ASTN2: variants seen among roughly 807,000 people sequenced by gnomAD.
ASTN2 encodes the protein astrotactin-2.
In ASTN2, 54 loss-of-function variants were observed where a neutral mutation model predicts 139.8. That is an observed-to-expected ratio of 0.39 (90% CI 0.31 to 0.48). The LOEUF (loss-of-function observed/expected upper bound fraction) is 0.48. Ranked by LOEUF, ASTN2 falls within the 20% of genes least tolerant of loss-of-function variation. The pLI, the probability that ASTN2 is intolerant of heterozygous loss-of-function variation, is 0.95. For synonymous variants in ASTN2, 756 were observed against 719.5 expected, an observed-to-expected ratio of 1.05 and a Z score of -0.81; for missense variants, 1,565 against 1,725.1, an observed-to-expected ratio of 0.91 and a Z score of 1.64.
chr9:116,424,263 C>G lies in ASTN2; in HGVS notation c.*1588G>C, dbSNP rs781472073. The stretch of plus-strand genomic sequence containing the variant: ...AGATTCCAGTGTTGGTATGTCACCC[C>G]CTAAGCTATCATCACCTCCTTCATG... On this transcript the variant is annotated 3_prime_UTR_variant, in exon 23 of 23. Coordinates refer to ENST00000313400, the MANE Select transcript of ASTN2 (RefSeq NM_001365068.1). Among the ~76,000 whole-genome samples, 3 of 152,144 alleles carry G rather than the reference C, an allele frequency of 2.0e-5. No individual in the cohort carries two copies. Among genetic ancestry groups the G allele is most frequent in the Non-Finnish European group, 4.4e-5 (3 of 68,036 alleles).
At chr9:117,097,117 G>T (rs569530836) in intron 4 of ASTN2, among the ~76,000 whole-genome samples, 27 of 152,308 alleles carry the variant, frequency 1.8e-4, no homozygotes, top group African/African-American at 6.3e-4. Flanking sequence ...CAGCCAGGAG[G>T]CTCAGTGACC....
intron 1 of ASTN2, among the ~76,000 whole-genome samples, chr9:117,407,398 G>A (rs986648924): frequency 6.6e-6 from 1 of 152,198 alleles, no homozygotes; most frequent in African/African-American, 2.4e-5. Context: ...TAAGACTAGA[G>A]GTAGACAGAT....
At chr9:116,426,167 A>G in intron 22 of ASTN2, 79 bp from the exon 23 acceptor site, 2 of 1,537,964 alleles carry the variant, frequency 1.3e-6, no homozygotes, top group Non-Finnish European at 1.8e-6. Flanking sequence ...AATGTCAACA[A>G]ACAAATGGTA....
chr9:116,963,100 G>A (rs996592017), intron 10 of ASTN2, among the ~76,000 whole-genome samples: 4 of 152,200 alleles, frequency 2.6e-5, no homozygotes, highest in African/African-American at 9.7e-5. Flanking sequence ...TGACTCCAAT[G>A]CAATATAAGG....
chr9:117,340,285 T>C (rs1829024192), intron 1 of ASTN2, among the ~76,000 whole-genome samples: 2 of 130,698 alleles, frequency 1.5e-5, no homozygotes, highest in Admixed American at 9.7e-5. Flanking sequence ...TGAGCCAAGA[T>C]TGCGCCACCG....
intron 10 of ASTN2, among the ~76,000 whole-genome samples, chr9:116,932,184 A>G (rs994157299): frequency 1.3e-5 from 2 of 152,162 alleles, no homozygotes; most frequent in Admixed American, 1.3e-4. Flanking sequence ...ATTACTATGG[A>G]GCACCTCTTA....
intron 10 of ASTN2, among the ~76,000 whole-genome samples, chr9:116,924,252 T>C (rs11793133): frequency 1.4e-5 from 2 of 141,298 alleles, no homozygotes; most frequent in Admixed American, 6.9e-5. Flanking sequence ...CTACTAAAAA[T>C]ATAAAAAAAA....
chr9:116,504,547 A>G (rs1331959659), intron 19 of ASTN2, among the ~76,000 whole-genome samples: 1 of 152,150 alleles, frequency 6.6e-6, no homozygotes, highest in Non-Finnish European at 1.5e-5. Context: ...CATATTGCTA[A>G]CTACTGCTTG....
chr9:116,648,290 G>A (rs1034255118), intron 17 of ASTN2, among the ~76,000 whole-genome samples: 1 of 151,954 alleles, frequency 6.6e-6, no homozygotes, highest in Non-Finnish European at 1.5e-5. Flanking sequence ...GTGAGTCACC[G>A]CACTTGGCCT....
At chr9:116,555,853 T>G (rs1852588499) in intron 19 of ASTN2, among the ~76,000 whole-genome samples, 3 of 152,164 alleles carry the variant, frequency 2.0e-5, no homozygotes, top group African/African-American at 7.2e-5. Flanking sequence ...GAGGGAGAGA[T>G]AATTATTCAG....
At chr9:116,979,765 G>A (rs1305934689) in intron 7 of ASTN2, among the ~76,000 whole-genome samples, 2 of 152,062 alleles carry the variant, frequency 1.3e-5, no homozygotes, top group African/African-American at 4.8e-5. Context: ...CAACAAGGAG[G>A]ATCCCTCTTG....
At chr9:117,299,163 C>G (rs575616203) in intron 1 of ASTN2, among the ~76,000 whole-genome samples, 45 of 152,102 alleles carry the variant, frequency 3.0e-4, no homozygotes, top group Non-Finnish European at 5.3e-4. Context: ...TACACTGGAC[C>G]ACGAAGAATG....
chr9:116,453,828 C>A (rs2118933142), intron 20 of ASTN2, among the ~76,000 whole-genome samples: 1 of 152,224 alleles, frequency 6.6e-6, no homozygotes, highest in Admixed American at 6.5e-5. Context: ...CATGTATAAG[C>A]AAATCATGCC....
At position 117,120,010 on chromosome 9, in the gene ASTN2, GTGTGTGTGTATATATA is replaced by G. The variant is rs1252670838; in HGVS notation, c.1168+21300_1168+21315del. On this transcript the variant is annotated intron_variant, in intron 4 of 22. Coordinates refer to ENST00000313400, the MANE Select transcript of ASTN2 (RefSeq NM_001365068.1). ...TTTGTATGTGTGTGTGTGTGTGTGT[GTGTGTGTGTATATATA>G]TATATATATATATATATATATATAC... 1.9e-3 allele frequency among the ~76,000 whole-genome samples: 65 copies of G among 33,746 alleles called. No homozygotes were observed. The South Asian group carries it at 0.029, about 15-fold the overall frequency. The allele number at this position is 33,746 out of a possible 152,430, so 22.1% of individuals were successfully genotyped here.
At chr9:116,814,899 G>T (rs1831268813) in intron 12 of ASTN2, among the ~76,000 whole-genome samples, 1 of 152,176 alleles carries the variant, frequency 6.6e-6, no homozygotes, top group Non-Finnish European at 1.5e-5. Context: ...TCAATTGTCG[G>T]TGAGCATTTT....
chr9:116,439,004 C>T (rs923454701), intron 22 of ASTN2, among the ~76,000 whole-genome samples: 1 of 152,056 alleles, frequency 6.6e-6, no homozygotes, highest in Non-Finnish European at 1.5e-5. Flanking sequence ...ATTTCTCTAA[C>T]TAATCTCCCT....
intron 5 of ASTN2, among the ~76,000 whole-genome samples, chr9:117,094,307 G>A (rs963956610): frequency 2.6e-5 from 4 of 151,752 alleles, no homozygotes; most frequent in Non-Finnish European, 5.9e-5. Flanking sequence ...GAGTTGCTGG[G>A]TTAAATCATT....
Position 116,839,887 on chromosome 9 carries a change from T to TATTATTATTA in ASTN2, c.2041-19105_2041-19104insTAATAATAAT, listed in dbSNP as rs1564297225. On this transcript the variant is annotated intron_variant, in intron 11 of 22. Coordinates refer to ENST00000313400, the MANE Select transcript of ASTN2 (RefSeq NM_001365068.1). ...TATTATTATTATTATTATTATTTTT[T>TATTATTATTA]TTTTTTTAATTGATCATTCTTGGGT... Among the ~76,000 whole-genome samples, 216 of 91,436 alleles carry TATTATTATTA rather than the reference T, an allele frequency of 2.4e-3. 4 individuals carry two copies. The highest frequency in any genetic ancestry group is 0.011 in the African/African-American group (201 of 18,546). The allele number at this position is 91,436 out of a possible 152,430, so 60.0% of individuals were successfully genotyped here. A position where few individuals can be genotyped will look rare whatever the true frequency, so the allele number is the denominator to read the frequency against.
At chr9:117,286,637 C>T (rs972013027) in intron 2 of ASTN2, among the ~76,000 whole-genome samples, 1 of 152,138 alleles carries the variant, frequency 6.6e-6, no homozygotes, top group Non-Finnish European at 1.5e-5. Context: ...AAAGTGCACC[C>T]CAGGATTCAA....
Sources: gnomAD v4.1 joint callset for allele counts (sites outside exome capture counted in the v4.1 genomes callset) on GRCh38, gnomAD v4.1.1 for gene constraint, MANE v1.5 for transcripts, NCBI Gene and HGNC (gene_info 2026-07-23, HGNC 2026-07-21) for gene names.